ANKRD33B: variants seen among roughly 807,000 people sequenced by gnomAD.
The protein encoded by ANKRD33B is ankyrin repeat domain 33B, also known as ankyrin repeat domain-containing protein 33B.
In ANKRD33B, 6 loss-of-function variants were observed where a neutral mutation model predicts 21.5. The observed-to-expected ratio is 0.28, with a 90% confidence interval of 0.15 to 0.55. ANKRD33B has a LOEUF of 0.55. Ranked by LOEUF, ANKRD33B falls within the 20% of genes least tolerant of loss-of-function variation. The pLI is 0.94. For missense variants in ANKRD33B, 698 were observed against 747.2 expected (o/e 0.93, Z 0.77); for synonymous variants, 347 against 342.4 (o/e 1.01, Z -0.15).
intron 1 of ANKRD33B, among the ~76,000 whole-genome samples, chr5:10,582,037 A>G (rs1233918400): frequency 1.3e-5 from 2 of 152,176 alleles, no homozygotes; most frequent in Non-Finnish European, 2.9e-5. Context: ...GCCCTGGACC[A>G]CTTTCCTAAG....
intron 2 of ANKRD33B, 76 bp downstream of exon 2, chr5:10,618,538 C>A: frequency 2.1e-6 from 3 of 1,449,592 alleles, no homozygotes; most frequent in Non-Finnish European, 2.7e-6. Flanking sequence ...GCTCCCGTTG[C>A]GATGCAGTCA....
chr5:10,610,409 C>G lies in ANKRD33B; in HGVS notation c.367-7924C>G, dbSNP rs576484994. ...GCATAGTACAGGGGACAGCCCCCCC[C>G]CCGAATAAAGAATTATCTGGCCCCA... is the stretch of plus-strand genomic sequence containing the variant. On this transcript the variant is annotated intron_variant, in intron 1 of 3. Coordinates refer to ENST00000296657, the MANE Select transcript of ANKRD33B (RefSeq NM_001164440.2). Among the ~76,000 whole-genome samples the G allele has an allele frequency of 1.7e-4, 26 of 152,116 alleles. No homozygotes were observed. The East Asian group carries it at 1.9e-3, about 11-fold the overall frequency.
At chr5:10,587,907 T>C (rs1279770361) in intron 1 of ANKRD33B, among the ~76,000 whole-genome samples, 2 of 152,234 alleles carry the variant, frequency 1.3e-5, no homozygotes, top group African/African-American at 4.8e-5. Context: ...CTCTGATGTA[T>C]GAATGTCTAA....
At chr5:10,569,004 G>A (rs2126542551) in intron 1 of ANKRD33B, among the ~76,000 whole-genome samples, 1 of 152,256 alleles carries the variant, frequency 6.6e-6, no homozygotes, top group Middle Eastern at 3.4e-3. Flanking sequence ...TTATAGCGAT[G>A]ATCAGGGCTT....
Position 10,606,543 on chromosome 5 carries a change from G to T in ANKRD33B, c.367-11790G>T, listed in dbSNP as rs369662645. Among the ~76,000 whole-genome samples the T allele has an allele frequency of 2.2e-4, 34 of 152,166 alleles. No individual in the cohort carries two copies. The East Asian group carries it at 5.3e-3, about 24-fold the overall frequency. ...AAGGTCAAGAGATCGAGACCATCCT[G>T]GCCAACATGGTGAAGCCCTGTCTCT... On this transcript the variant is annotated intron_variant, in intron 1 of 3. Coordinates refer to ENST00000296657, the MANE Select transcript of ANKRD33B (RefSeq NM_001164440.2).
In ANKRD33B at chr5:10,656,997, G is replaced by A. The variant is rs530525970; in HGVS notation, c.*6884G>A. On this transcript the variant is annotated 3_prime_UTR_variant, in exon 4 of 4. Coordinates refer to ENST00000296657, the MANE Select transcript of ANKRD33B (RefSeq NM_001164440.2). Reference sequence around the variant, plus strand: ...TAAATAAGAAAAAAAAAAACCCCACGAAACTTTCCATCAAAGCAATGGTCC... The same window carrying A: ...TAAATAAGAAAAAAAAAAACCCCACAAAACTTTCCATCAAAGCAATGGTCC... The A allele has an allele frequency of 2.0e-5, 3 of 151,230 alleles. No individual in the cohort carries two copies. The highest frequency in any genetic ancestry group is 1.9e-4 in the East Asian group (1 of 5,318). 9.4% of individuals were successfully genotyped at this position (151,230 alleles called of 1,614,324 possible).
At chr5:10,573,948 A>G (rs1735259886) in intron 1 of ANKRD33B, among the ~76,000 whole-genome samples, 2 of 152,214 alleles carry the variant, frequency 1.3e-5, no homozygotes, top group South Asian at 2.1e-4. Flanking sequence ...ACATCATCAG[A>G]TCTACAAACA....
At position 10,649,487 on chromosome 5, in the gene ANKRD33B, G is replaced by T. The variant is rs865834509; in HGVS notation, c.859G>T (p.Val287Leu). The change falls in exon 4 of 4, where the codon GTG (valine) becomes TTG (leucine). Residue 287 changes from valine (V) to leucine (L), a missense_variant. Physicochemically the swap from Val to Leu is conservative, Grantham distance 32. This residue lies in a region of ANKRD33B where 543 missense variants were observed against 566.5 expected (regional missense o/e 0.96). Transcript: ENST00000296657. ...KNCLQRLTDC[V>L]LSVLTPRSVR... Reference sequence around the variant, plus strand: ...CTGCCTGCAGAGGCTCACAGACTGCGTGCTGTCCGTGCTGACGCCGCGCTC... The same window carrying T: ...CTGCCTGCAGAGGCTCACAGACTGCTTGCTGTCCGTGCTGACGCCGCGCTC... The T allele has an allele frequency of 6.5e-7, 1 of 1,534,896 alleles. No homozygotes were observed. The highest frequency in any genetic ancestry group is 8.7e-7 in the Non-Finnish European group (1 of 1,146,300).
Position 10,652,781 on chromosome 5 carries a change from C to T in ANKRD33B, c.*2668C>T. On this transcript the variant is annotated 3_prime_UTR_variant, in exon 4 of 4. Transcript: ENST00000296657. The surrounding 1 kb of genome is among the most constrained non-coding windows in gnomAD (Gnocchi z 4.1). ...TGTGTTCCAGCCTCATCCAGGTGCA[C>T]AGGATACTCTGGGGCCAGCACAGGG... 1 of 269,968 alleles carries T rather than the reference C, an allele frequency of 3.7e-6. No individual in the cohort carries two copies. Among genetic ancestry groups the T allele is most frequent in the South Asian group, 3.6e-5 (1 of 28,130 alleles). The allele number at this position is 269,968 out of a possible 1,614,324, so 16.7% of individuals were successfully genotyped here. A position where few individuals can be genotyped will look rare whatever the true frequency, so the allele number is the denominator to read the frequency against.
At chr5:10,637,296 T>C (rs2126599255) in intron 2 of ANKRD33B, among the ~76,000 whole-genome samples, 1 of 152,240 alleles carries the variant, frequency 6.6e-6, no homozygotes, top group African/African-American at 2.4e-5. Flanking sequence ...AGTTAGATCC[T>C]TTTTGGAGGT....
chr5:10,572,744 C>T (rs1255158727), intron 1 of ANKRD33B, among the ~76,000 whole-genome samples: 1 of 152,204 alleles, frequency 6.6e-6, no homozygotes, highest in Non-Finnish European at 1.5e-5. Flanking sequence ...TAACACCCTT[C>T]ACTGGGCACC....
intron 2 of ANKRD33B, among the ~76,000 whole-genome samples, chr5:10,634,109 T>A (rs552506287): frequency 1.4e-4 from 22 of 152,362 alleles, no homozygotes; most frequent in African/African-American, 5.3e-4. Flanking sequence ...TTTTCACAAA[T>A]GGGAGGTTGA....
intron 1 of ANKRD33B, among the ~76,000 whole-genome samples, chr5:10,599,449 G>A (rs530183277): frequency 1.3e-5 from 2 of 152,056 alleles, no homozygotes; most frequent in East Asian, 3.9e-4. Context: ...TTTCCAAAAT[G>A]TTTTTATCAT....
intron 1 of ANKRD33B, among the ~76,000 whole-genome samples, chr5:10,607,211 C>A (rs1233861387): frequency 6.6e-6 from 1 of 152,198 alleles, no homozygotes; most frequent in Non-Finnish European, 1.5e-5. Context: ...TAACAAACCA[C>A]TTCAAGTCCC....
rs190602548 is a variant in ANKRD33B, at chr5:10,627,166, C to T, written c.496+8704C>T. 6.3e-4 allele frequency: 96 copies of T among 152,310 alleles called. 1 individual carries two copies. Among genetic ancestry groups the T allele is most frequent in the African/African-American group, 1.9e-3 (80 of 41,546 alleles). 9.4% of individuals were successfully genotyped at this position (152,310 alleles called of 1,614,324 possible). ...TTGAAAATAAATCCCCATGTAATCCCTAAGTCTCATTTAGCCAGTCATTTC... is the reference window on the plus strand; with the variant it reads ...TTGAAAATAAATCCCCATGTAATCCTTAAGTCTCATTTAGCCAGTCATTTC... On this transcript the variant is annotated intron_variant, in intron 2 of 3. Coordinates refer to ENST00000296657, the MANE Select transcript of ANKRD33B (RefSeq NM_001164440.2).
chr5:10,622,817 T>A (rs1193619253), intron 2 of ANKRD33B, among the ~76,000 whole-genome samples: 1 of 149,538 alleles, frequency 6.7e-6, no homozygotes, highest in African/African-American at 2.5e-5. Flanking sequence ...TATTTTTTTT[T>A]TTTTCTGGCT....
At chr5:10,613,990 C>CATGTGT in intron 1 of ANKRD33B, among the ~76,000 whole-genome samples, 1 of 141,384 alleles carries the variant, frequency 7.1e-6, no homozygotes, top group South Asian at 2.4e-4. Flanking sequence ...CCAGAGAAAT[C>CATGTGT]GTGTGTGTGT....
chr5:10,598,467 A>G (rs1735863798), intron 1 of ANKRD33B, among the ~76,000 whole-genome samples: 1 of 152,122 alleles, frequency 6.6e-6, no homozygotes, highest in South Asian at 2.1e-4. Flanking sequence ...GAGTTTCACC[A>G]TGTTAGCCAG....
intron 3 of ANKRD33B, among the ~76,000 whole-genome samples, chr5:10,641,503 A>ATAGGTGTG (rs1414468527): frequency 6.6e-6 from 1 of 151,956 alleles, no homozygotes; most frequent in Admixed American, 6.6e-5. Context: ...TTCTGGGATT[A>ATAGGTGTG]TAGGTGTGAG....
Sources: allele counts gnomAD v4.1 joint callset (sites outside exome capture counted in the v4.1 genomes callset), GRCh38; gene constraint gnomAD v4.1.1; regional missense constraint gnomAD v4.1.1; non-coding constraint Gnocchi (gnomAD v3.1); transcripts MANE v1.5; gene names NCBI Gene and HGNC (gene_info 2026-07-23, HGNC 2026-07-21).